Variants in TFG observed in about 807,000 individuals in gnomAD.
TFG encodes the protein trafficking from ER to golgi regulator, also known as protein TFG.
Under a neutral mutation model 51.4 loss-of-function variants are expected in TFG, and 22 were observed. The ratio of observed to expected loss-of-function variants is 0.43; its 90% CI spans 0.31 to 0.61. TFG has a LOEUF of 0.61. Among genes scored for constraint, TFG ranks in the 20% least tolerant of loss-of-function variants. The pLI is 0.12. For missense variants in TFG, 419 were observed against 487.7 expected (o/e 0.86, Z 1.33); for synonymous variants, 187 against 165.6 (o/e 1.13, Z -0.99).
intron 6 of TFG, among the ~76,000 whole-genome samples, chr3:100,739,898 G>C (rs545433526): frequency 5.3e-5 from 8 of 152,094 alleles, no homozygotes; most frequent in Non-Finnish European, 1.2e-4. Flanking sequence ...TCACTCTGTT[G>C]CCCAGGTTGG....
chr3:100,738,256 A>G (rs1559719980), intron 6 of TFG, among the ~76,000 whole-genome samples: 1 of 152,210 alleles, frequency 6.6e-6, no homozygotes, highest in Non-Finnish European at 1.5e-5. Flanking sequence ...CTACTGCCAA[A>G]ACTAGAACAA....
chr3:100,730,520 A>T (rs750890272), intron 4 of TFG, among the ~76,000 whole-genome samples: 1 of 152,212 alleles, frequency 6.6e-6, no homozygotes, highest in Non-Finnish European at 1.5e-5. Context: ...TACAATCTGC[A>T]TTATATTTTT....
Position 100,727,637 on chromosome 3 carries a change from A to AT in TFG, c.269-1068dup, listed in dbSNP as rs1372642193. Among the ~76,000 whole-genome samples the AT allele has an allele frequency of 2.6e-5, 4 of 152,232 alleles. No individual in the cohort carries two copies. In the East Asian group the frequency reaches 7.7e-4, roughly 29 times the overall value. On this transcript the variant is annotated intron_variant, in intron 3 of 7. Transcript: ENST00000240851. ...TGTTTGTTGCTGAATGAAGGATTTC[A>AT]TTTTTTTCAGTCAACTGAAAATCAT... is the stretch of plus-strand genomic sequence containing the variant.
chr3:100,737,547 G>C (rs2095109913), intron 6 of TFG, among the ~76,000 whole-genome samples: 1 of 152,180 alleles, frequency 6.6e-6, no homozygotes, highest in Non-Finnish European at 1.5e-5. Context: ...TATGTGTGTT[G>C]GGACCTTTAA....
At chr3:100,715,548 G>A (rs924533089) in intron 2 of TFG, among the ~76,000 whole-genome samples, 1 of 152,162 alleles carries the variant, frequency 6.6e-6, no homozygotes, top group Non-Finnish European at 1.5e-5. Context: ...CTAGCTAAAG[G>A]TATAATTCTC....
At chr3:100,725,107 C>T (rs561114854) in intron 3 of TFG, among the ~76,000 whole-genome samples, 3 of 152,074 alleles carry the variant, frequency 2.0e-5, no homozygotes, top group East Asian at 1.9e-4. Flanking sequence ...GGGGTTTCAC[C>T]GTGTTAGCCA....
chr3:100,735,225 T>C (rs1192312777), intron 5 of TFG, among the ~76,000 whole-genome samples: 1 of 152,208 alleles, frequency 6.6e-6, no homozygotes, highest in East Asian at 1.9e-4. Context: ...TATTATATCC[T>C]AGTTTAGGTT....
At chr3:100,709,368 CTT>C (rs1365147368), upstream of TFG, 2 of 152,542 alleles carry the variant, frequency 1.3e-5, no homozygotes, top group African/African-American at 4.8e-5. Flanking sequence ...AGCAGGGACT[CTT>C]CGGCCTAGGC....
intron 1 of TFG, among the ~76,000 whole-genome samples, chr3:100,710,809 A>G (rs774145581): frequency 5.5e-4 from 84 of 152,328 alleles, no homozygotes; most frequent in South Asian, 8.3e-4. Context: ...TAGGGCTCCT[A>G]CTGGCAGTTC....
At chr3:100,719,863 A>G (rs1208239807) in intron 2 of TFG, 112 bp from the exon 3 acceptor site, 6 of 617,602 alleles carry the variant, frequency 9.7e-6, no homozygotes, top group Non-Finnish European at 1.4e-5. Context: ...GGAGAGTCCA[A>G]CTATGTTCTA....
chr3:100,736,723 T>TA lies in TFG; in HGVS notation c.721+8dup, dbSNP rs756099155. On this transcript the variant is annotated splice_region_variant and intron_variant, in intron 6 of 7. Coordinates refer to ENST00000240851, the MANE Select transcript of TFG (RefSeq NM_006070.6). ...CAAGCAGGTCAGATTGAAGGTAAAA[T>TA]AGAGTTTAGAACACATGTTTGGGAA... The TA allele has an allele frequency of 1.2e-6, 2 of 1,613,248 alleles. No individual in the cohort carries two copies. Among genetic ancestry groups the TA allele is most frequent in the African/African-American group, 1.3e-5 (1 of 74,902 alleles).
intron 4 of TFG, among the ~76,000 whole-genome samples, chr3:100,731,043 T>C (rs901216208): frequency 6.6e-6 from 1 of 152,224 alleles, no homozygotes; most frequent in African/African-American, 2.4e-5. Context: ...CCTGGAATGG[T>C]ATGTTAGGAA....
chr3:100,742,400 C>T (rs886572058), intron 6 of TFG: 1 of 152,156 alleles, frequency 6.6e-6, no homozygotes, highest in Non-Finnish European at 1.5e-5. Flanking sequence ...GTTATAGATA[C>T]ATTTAAGAAA....
At chr3:100,742,769 A>C (rs1159584010) in intron 6 of TFG, 1 of 152,010 alleles carries the variant, frequency 6.6e-6, no homozygotes, top group Admixed American at 6.6e-5. Flanking sequence ...GTCGAACAAA[A>C]GATGTTATTT....
intron 5 of TFG, among the ~76,000 whole-genome samples, chr3:100,733,638 AGGGTC>A (rs1327247308): frequency 6.6e-6 from 1 of 152,050 alleles, no homozygotes; most frequent in South Asian, 2.1e-4. Flanking sequence ...CAACTCCAGT[AGGGTC>A]ACATTTTTCT....
chr3:100,732,155 C>G (rs148479730), intron 4 of TFG, among the ~76,000 whole-genome samples: 1 of 151,876 alleles, frequency 6.6e-6, no homozygotes, highest in Admixed American at 6.6e-5. Context: ...CAGTGGGTAT[C>G]TGATACTAGG....
Position 100,736,561 on chromosome 3 carries a change from T to A in TFG, c.581-15T>A. On this transcript the variant is annotated splice_polypyrimidine_tract_variant and intron_variant, in intron 5 of 7. Coordinates refer to ENST00000240851, the MANE Select transcript of TFG (RefSeq NM_006070.6). ...TTGTGTTGGATACTAAACTGACTTT[T>A]TTTTGACTATCCAGGGCCACCCAGT... The A allele has an allele frequency of 1.9e-6, 3 of 1,613,018 alleles. No homozygotes were observed. Among genetic ancestry groups the A allele is most frequent in the Non-Finnish European group, 2.5e-6 (3 of 1,179,358 alleles).
intron 6 of TFG, among the ~76,000 whole-genome samples, chr3:100,739,035 C>T (rs2095114357): frequency 6.6e-6 from 1 of 152,064 alleles, no homozygotes; most frequent in Admixed American, 6.6e-5. Context: ...CCACATGTAG[C>T]TAGTGATTAT....
At chr3:100,721,476 C>G (rs1212669110) in intron 3 of TFG, among the ~76,000 whole-genome samples, 2 of 152,154 alleles carry the variant, frequency 1.3e-5, no homozygotes, top group Non-Finnish European at 2.9e-5. Flanking sequence ...TACCTTGATA[C>G]AGGGAAAGTC....
Sources: gnomAD v4.1 joint callset for allele counts (sites outside exome capture counted in the v4.1 genomes callset) on GRCh38, gnomAD v4.1.1 for gene constraint, MANE v1.5 for transcripts, NCBI Gene and HGNC (gene_info 2026-07-23, HGNC 2026-07-21) for gene names.